The following FHIT variants were observed in gnomAD, a reference collection of about 807,000 sequenced individuals.
The protein encoded by FHIT is bis(5'-adenosyl)-triphosphatase.
In FHIT, 19 loss-of-function variants were observed where a neutral mutation model predicts 17.9. That is an observed-to-expected ratio of 1.06 (90% CI 0.74 to 1.56). The LOEUF (loss-of-function observed/expected upper bound fraction) is 1.56, where lower values mean the gene tolerates loss of function less well. Among genes scored for constraint, FHIT ranks in the 40% most tolerant of loss-of-function variants. The pLI is 0.00. For synonymous variants in FHIT, 81 were observed against 69.7 expected, an observed-to-expected ratio of 1.16 and a Z score of -0.81; for missense variants, 248 against 189.2, an observed-to-expected ratio of 1.31 and a Z score of -1.82.
chr3:61,183,591 T>C (rs1036237096), intron 2 of FHIT, among the ~76,000 whole-genome samples: 1 of 152,214 alleles, frequency 6.6e-6, no homozygotes, highest in Non-Finnish European at 1.5e-5. Context: ...GTTCCCTTAC[T>C]TGTTAAATAT....
In FHIT at chr3:60,569,755, A is replaced by ATTTTTTT. The variant is rs1553654909; in HGVS notation, c.-17-32783_-17-32777dup. Among the ~76,000 whole-genome samples, 202 of 77,334 alleles carry ATTTTTTT rather than the reference A, an allele frequency of 2.6e-3. 4 individuals carry two copies. The highest frequency in any genetic ancestry group is 3.2e-3 in the Admixed American group (16 of 5,002). The allele number at this position is 77,334 out of a possible 152,430, so 50.7% of individuals were successfully genotyped here. On this transcript the variant is annotated intron_variant, in intron 4 of 9. Coordinates refer to ENST00000492590, the MANE Select transcript of FHIT (RefSeq NM_002012.4). ...TATATATATATATATATATATATATATTTTTTTTTTTTTTAGACAGAGTTT... is the reference window on the plus strand; with the variant it reads ...TATATATATATATATATATATATATATTTTTTTTTTTTTTTTTTTTTAGACAGAGTTT...
At chr3:59,876,592 CTT>C (rs1461496898) in intron 8 of FHIT, among the ~76,000 whole-genome samples, 166 of 152,264 alleles carry the variant, frequency 1.1e-3, no homozygotes, top group African/African-American at 3.7e-3. Context: ...GGACTCATAC[CTT>C]TGGTGGGAGA....
At chr3:59,973,751 A>C (rs1708288850) in intron 7 of FHIT, among the ~76,000 whole-genome samples, 1 of 152,076 alleles carries the variant, frequency 6.6e-6, no homozygotes, top group Non-Finnish European at 1.5e-5. Flanking sequence ...ATATTTGCTG[A>C]TTGAAGTTAT....
intron 5 of FHIT, among the ~76,000 whole-genome samples, chr3:60,102,401 A>C (rs1178246667): frequency 6.6e-6 from 1 of 152,174 alleles, no homozygotes; most frequent in African/African-American, 2.4e-5. Flanking sequence ...AGCAACGAGA[A>C]ATGCAACATG....
At chr3:61,191,572 G>A (rs2038717738) in intron 2 of FHIT, among the ~76,000 whole-genome samples, 1 of 152,126 alleles carries the variant, frequency 6.6e-6, no homozygotes, top group Non-Finnish European at 1.5e-5. Flanking sequence ...ATCCTGACTA[G>A]TATAAGCCCC....
At chr3:60,327,419 C>G (rs866818495) in intron 5 of FHIT, among the ~76,000 whole-genome samples, 10 of 152,060 alleles carry the variant, frequency 6.6e-5, no homozygotes, top group Non-Finnish European at 1.2e-4. Flanking sequence ...GCTCTGACAC[C>G]GTAGAGCAAA....
intron 5 of FHIT, among the ~76,000 whole-genome samples, chr3:60,225,942 T>C (rs1242382247): frequency 6.6e-6 from 1 of 152,216 alleles, no homozygotes; most frequent in African/African-American, 2.4e-5. Flanking sequence ...ATTTCAACAT[T>C]TCTGTGGGTG....
At chr3:61,004,552 C>G (rs1055374404) in intron 3 of FHIT, among the ~76,000 whole-genome samples, 1 of 152,198 alleles carries the variant, frequency 6.6e-6, no homozygotes, top group Non-Finnish European at 1.5e-5. Flanking sequence ...CTGACCAGAA[C>G]TTGGAAAGAG....
At chr3:60,284,059 G>C (rs551251625) in intron 5 of FHIT, among the ~76,000 whole-genome samples, 2 of 152,080 alleles carry the variant, frequency 1.3e-5, no homozygotes, top group South Asian at 4.2e-4. Flanking sequence ...ACTGAAGCTG[G>C]CATTTCAGAA....
intron 3 of FHIT, among the ~76,000 whole-genome samples, chr3:60,848,852 T>C (rs1703030173): frequency 6.6e-6 from 1 of 152,256 alleles, no homozygotes; most frequent in East Asian, 1.9e-4. Flanking sequence ...TGACCTTAAG[T>C]AGATGTTACT....
Position 59,805,090 on chromosome 3 carries a change from T to C in FHIT, c.349-52769A>G, listed in dbSNP as rs577379275. Among the ~76,000 whole-genome samples the C allele has an allele frequency of 4.6e-5, 7 of 152,198 alleles. No homozygotes were observed. The South Asian group carries it at 1.5e-3, about 32-fold the overall frequency. ...GAGAAAGAGTCCTCCTCTGTCTAGCTTGAAGCAGTGGGAGGCTGTATGGGG... is the reference window on the plus strand; with the variant it reads ...GAGAAAGAGTCCTCCTCTGTCTAGCCTGAAGCAGTGGGAGGCTGTATGGGG... On this transcript the variant is annotated intron_variant, in intron 8 of 9. Transcript: ENST00000492590.
intron 2 of FHIT, among the ~76,000 whole-genome samples, chr3:61,116,690 T>C (rs1267219853): frequency 2.0e-5 from 3 of 152,068 alleles, no homozygotes; most frequent in Non-Finnish European, 2.9e-5. Context: ...ACACAGAAAG[T>C]TAAAGTATCT....
At chr3:61,119,394 A>G (rs1449901441) in intron 2 of FHIT, among the ~76,000 whole-genome samples, 12 of 151,976 alleles carry the variant, frequency 7.9e-5, no homozygotes, top group Admixed American at 7.9e-4. Flanking sequence ...TTGTATTTTT[A>G]GTAGAGACGG....
rs1553798841 is a variant in FHIT, at chr3:61,014,807, A to AATT, written c.-111+27239_-111+27240insAAT. Among the ~76,000 whole-genome samples, 24 of 49,118 alleles carry AATT rather than the reference A, an allele frequency of 4.9e-4. 1 individual carries two copies. Among genetic ancestry groups the AATT allele is most frequent in the African/African-American group, 1.0e-3 (19 of 18,556 alleles). The allele number at this position is 49,118 out of a possible 152,430, so 32.2% of individuals were successfully genotyped here. On this transcript the variant is annotated intron_variant, in intron 3 of 9. Coordinates refer to ENST00000492590, the MANE Select transcript of FHIT (RefSeq NM_002012.4). ...AAAAAAAAAAAAAAAAAAAAAAAAA[A>AATT]ATATATATATATATATATGTATACA...
intron 2 of FHIT, among the ~76,000 whole-genome samples, chr3:61,103,899 T>G (rs553580046): frequency 1.4e-3 from 214 of 152,134 alleles, no homozygotes; most frequent in Non-Finnish European, 2.3e-3. Flanking sequence ...TTCTTTTTTT[T>G]TTTTCTTTCC....
chr3:60,939,147 C>T (rs1485521277), intron 3 of FHIT, among the ~76,000 whole-genome samples: 1 of 152,180 alleles, frequency 6.6e-6, no homozygotes, highest in Non-Finnish European at 1.5e-5. Flanking sequence ...TTAACTTCTA[C>T]TTTGTTGCTT....
intron 5 of FHIT, among the ~76,000 whole-genome samples, chr3:60,486,396 A>C (rs984784125): frequency 3.3e-5 from 5 of 152,180 alleles, no homozygotes; most frequent in African/African-American, 7.2e-5. Flanking sequence ...GATCATAAAA[A>C]GTCTGTATTT....
chr3:60,286,296 T>A (rs181791864), intron 5 of FHIT, among the ~76,000 whole-genome samples: 20 of 152,314 alleles, frequency 1.3e-4, no homozygotes, highest in Admixed American at 1.0e-3. Context: ...TTCATAATGG[T>A]TTTTAGAAAC....
intron 3 of FHIT, among the ~76,000 whole-genome samples, chr3:60,921,529 T>A (rs551794126): frequency 6.6e-6 from 1 of 152,228 alleles, no homozygotes; most frequent in East Asian, 1.9e-4. Context: ...ATAAATGAAC[T>A]ACATGTAAAT....
Sources: gnomAD v4.1 joint callset for allele counts (sites outside exome capture counted in the v4.1 genomes callset) on GRCh38, gnomAD v4.1.1 for gene constraint, MANE v1.5 for transcripts, NCBI Gene and HGNC (gene_info 2026-07-23, HGNC 2026-07-21) for gene names.